The following GNG2 variants were observed in gnomAD, a reference collection of about 807,000 sequenced individuals.
GNG2 encodes G protein subunit gamma 2, also known as guanine nucleotide-binding protein G(I)/G(S)/G(O) subunit gamma-2.
In GNG2, 5 loss-of-function variants were observed where a neutral mutation model predicts 5.5. That is an observed-to-expected ratio of 0.91 (90% confidence interval 0.48 to 1.92). The LOEUF (loss-of-function observed/expected upper bound fraction) is 1.92. GNG2 is among the 30% of genes most tolerant of loss of function. The pLI is 0.01. For synonymous variants in GNG2, 28 were observed against 32.0 expected, an observed-to-expected ratio of 0.88 and a Z score of 0.42; for missense variants, 55 against 88.4, an observed-to-expected ratio of 0.62 and a Z score of 1.52.
chr14:51,933,270 C>T (rs1887768042), intron 2 of GNG2, among the ~76,000 whole-genome samples: 1 of 152,162 alleles, frequency 6.6e-6, no homozygotes, highest in East Asian at 1.9e-4. Context: ...GAGAAGTGAT[C>T]ATTGGATTTG....
chr14:51,890,623 T>C (rs1884783421), intron 2 of GNG2, among the ~76,000 whole-genome samples: 1 of 152,220 alleles, frequency 6.6e-6, no homozygotes, highest in Non-Finnish European at 1.5e-5. Flanking sequence ...CATTTTACTT[T>C]GGCACTGGAA....
At chr14:51,881,700 A>ATTTTTTTTTTTT in intron 2 of GNG2, among the ~76,000 whole-genome samples, 1 of 98,098 alleles carries the variant, frequency 1.0e-5, no homozygotes, top group African/African-American at 3.6e-5. Flanking sequence ...GAGCTGGAAG[A>ATTTTTTTTTTTT]CTTTTTTTTT....
chr14:51,840,981 G>T (rs905807455), intron 2 of GNG2, among the ~76,000 whole-genome samples: 11 of 152,114 alleles, frequency 7.2e-5, no homozygotes, highest in Non-Finnish European at 1.5e-5. Flanking sequence ...TCACATATCT[G>T]GTAATTTTTT....
At chr14:51,849,906 C>A (rs1263949131) in intron 2 of GNG2, among the ~76,000 whole-genome samples, 1 of 150,118 alleles carries the variant, frequency 6.7e-6, no homozygotes, top group East Asian at 2.0e-4. Flanking sequence ...ATCTTTTGGG[C>A]TCAGGTGATC....
intron 2 of GNG2, chr14:51,913,990 C>T (rs1271966276): frequency 2.0e-6 from 1 of 488,880 alleles, no homozygotes; most frequent in East Asian, 3.3e-5. Flanking sequence ...GGAAGAATAT[C>T]ACTAAAATTT....
chr14:51,962,078 C>T (rs1566717551), intron 3 of GNG2, among the ~76,000 whole-genome samples: 2 of 152,276 alleles, frequency 1.3e-5, no homozygotes, highest in Non-Finnish European at 2.9e-5. Flanking sequence ...TTTTTGTGCT[C>T]TTGACTCATT....
chr14:51,883,019 AAAAG>A (rs1324757468), intron 2 of GNG2, among the ~76,000 whole-genome samples: 2 of 151,384 alleles, frequency 1.3e-5, no homozygotes, highest in African/African-American at 4.8e-5. Flanking sequence ...CAAAAAAAAA[AAAAG>A]AAAAAAAAAA....
At chr14:51,959,882 A>G (rs1438296790) in intron 3 of GNG2, among the ~76,000 whole-genome samples, 2 of 152,046 alleles carry the variant, frequency 1.3e-5, no homozygotes, top group South Asian at 2.1e-4. Context: ...CTATATAACC[A>G]CTATGTTTCA....
chr14:51,890,908 A>AGGG (rs1884806617), intron 2 of GNG2, among the ~76,000 whole-genome samples: 1 of 39,210 alleles, frequency 2.6e-5, no homozygotes, highest in Non-Finnish European at 5.0e-5. Context: ...GGTATATGAA[A>AGGG]TTGAGTAGTT....
At chr14:51,914,879 G>T (rs1027843490) in intron 2 of GNG2, among the ~76,000 whole-genome samples, 1 of 152,096 alleles carries the variant, frequency 6.6e-6, no homozygotes, top group East Asian at 1.9e-4. Flanking sequence ...GTACGATTGG[G>T]GTCTCAATTG....
chr14:51,919,988 A>G (rs1227101421), intron 2 of GNG2, among the ~76,000 whole-genome samples: 1 of 152,192 alleles, frequency 6.6e-6, no homozygotes, highest in Non-Finnish European at 1.5e-5. Context: ...GTCCCTCTGT[A>G]TCTGTTGGGG....
chr14:51,861,658 G>A (rs1306930156), intron 1 of GNG2, among the ~76,000 whole-genome samples: 3 of 152,170 alleles, frequency 2.0e-5, no homozygotes, highest in Non-Finnish European at 4.4e-5. Flanking sequence ...CTTGAGCAAA[G>A]GATGTTCTTA....
chr14:51,919,118 T>A (rs565943456), intron 2 of GNG2, among the ~76,000 whole-genome samples: 9 of 152,292 alleles, frequency 5.9e-5, no homozygotes, highest in African/African-American at 2.2e-4. Flanking sequence ...AGCCACCGCG[T>A]CCGGCCTAGA....
intron 2 of GNG2, among the ~76,000 whole-genome samples, chr14:51,883,660 C>G (rs753147488): frequency 1.1e-4 from 16 of 152,004 alleles, no homozygotes; most frequent in Non-Finnish European, 1.8e-4. Context: ...CAATATGATT[C>G]ATGGAAAAAT....
At chr14:51,949,926 T>C (rs979194415) in intron 2 of GNG2, among the ~76,000 whole-genome samples, 1 of 152,060 alleles carries the variant, frequency 6.6e-6, no homozygotes, top group Admixed American at 6.5e-5. Flanking sequence ...AAAGAAACCA[T>C]CTCGCAATCT....
At chr14:51,863,723 A>G (rs1882679903) in intron 1 of GNG2, among the ~76,000 whole-genome samples, 1 of 152,044 alleles carries the variant, frequency 6.6e-6, no homozygotes, top group Non-Finnish European at 1.5e-5. Context: ...CCCCCATTTT[A>G]CTTCTGTCTC....
At chr14:51,923,034 T>C (rs1345189860) in intron 2 of GNG2, among the ~76,000 whole-genome samples, 2 of 152,236 alleles carry the variant, frequency 1.3e-5, no homozygotes, top group African/African-American at 4.8e-5. Context: ...CAAATAACTT[T>C]CTTTATGGTT....
In GNG2 at chr14:51,936,119, C is replaced by T. The variant is rs182783016; in HGVS notation, c.-29-14531C>T. Among the ~76,000 whole-genome samples, 195 of 152,228 alleles carry T rather than the reference C, an allele frequency of 1.3e-3. 3 individuals are homozygous for T. Among genetic ancestry groups the T allele is most frequent in the Admixed American group, 0.012 (188 of 15,298 alleles). On this transcript the variant is annotated intron_variant, in intron 2 of 3. Transcript: ENST00000556766. ...CAAACTTGTTAAATAAAACACAGTGCCACTCTGGGCTCCATGCTTTGGGAG... is the reference window on the plus strand; with the variant it reads ...CAAACTTGTTAAATAAAACACAGTGTCACTCTGGGCTCCATGCTTTGGGAG...
chr14:51,883,336 T>C (rs1273959401), intron 2 of GNG2, among the ~76,000 whole-genome samples: 1 of 152,266 alleles, frequency 6.6e-6, no homozygotes, highest in African/African-American at 2.4e-5. Context: ...TCAAACTTCC[T>C]AGCCATTTAC....
Sources: gnomAD v4.1 joint callset for allele counts (sites outside exome capture counted in the v4.1 genomes callset) on GRCh38, gnomAD v4.1.1 for gene constraint, MANE v1.5 for transcripts, NCBI Gene and HGNC (gene_info 2026-07-23, HGNC 2026-07-21) for gene names.